SCIMP: variants seen among roughly 807,000 people sequenced by gnomAD.
The protein encoded by SCIMP is SLP adapter and CSK-interacting membrane protein.
Under a neutral mutation model 22.0 loss-of-function variants are expected in SCIMP, and 18 were observed. The ratio of observed to expected loss-of-function variants is 0.82; its 90% confidence interval spans 0.56 to 1.21. The LOEUF (loss-of-function observed/expected upper bound fraction) is 1.21, where lower values mean the gene tolerates loss of function less well. Ranked by LOEUF, SCIMP falls within the 50% of genes most tolerant of loss-of-function variation. The pLI is 0.00. For missense variants in SCIMP, 155 were observed against 171.2 expected (o/e 0.91, Z 0.53); for synonymous variants, 53 against 62.2 (o/e 0.85, Z 0.70).
At chr17:5,216,455 C>T (rs779118059) in intron 3 of SCIMP, among the ~76,000 whole-genome samples, 3 of 152,094 alleles carry the variant, frequency 2.0e-5, no homozygotes, top group Admixed American at 6.6e-5. Context: ...ATCATGAGGT[C>T]AGGAGATCGA....
At position 5,212,317 on chromosome 17, in the gene SCIMP, C is replaced by T. The variant is rs1598153794; in HGVS notation, c.284-1362G>A. The stretch of plus-strand genomic sequence containing the variant: ...TCACTTATCTGTGCCTGAGCATCCT[C>T]ATCTGTCACAGAGGAATAAAAATGT... On this transcript the variant is annotated intron_variant, in intron 4 of 4. Coordinates refer to ENST00000574081, the MANE Select transcript of SCIMP (RefSeq NM_207103.3). Among the ~76,000 whole-genome samples, 3 of 152,114 alleles carry T rather than the reference C, an allele frequency of 2.0e-5. No homozygotes were observed. The East Asian group carries it at 5.8e-4, about 29-fold the overall frequency.
intron 3 of SCIMP, among the ~76,000 whole-genome samples, chr17:5,217,398 G>C (rs2074572869): frequency 6.6e-6 from 1 of 151,774 alleles, no homozygotes; most frequent in Non-Finnish European, 1.5e-5. Context: ...GTGTGTGTGT[G>C]TGTGTGTGTG....
intron 3 of SCIMP, among the ~76,000 whole-genome samples, chr17:5,219,956 T>G: frequency 6.6e-6 from 1 of 152,216 alleles, no homozygotes; most frequent in East Asian, 1.9e-4. Flanking sequence ...TTTGCCTGCT[T>G]TCTGCTAGAC....
intron 1 of SCIMP, among the ~76,000 whole-genome samples, chr17:5,228,233 C>T (rs749320658): frequency 1.3e-5 from 2 of 151,618 alleles, no homozygotes; most frequent in Non-Finnish European, 2.9e-5. Context: ...GTGGCCCCAG[C>T]TACATGGGAG....
At chr17:5,214,210 G>C (rs2074547104) in intron 4 of SCIMP, 1 of 152,270 alleles carries the variant, frequency 6.6e-6, no homozygotes, top group Non-Finnish European at 1.5e-5. Context: ...TTTCTGTTGT[G>C]TAAGCACCCC....
rs771652956 is a variant in SCIMP at position 5,214,754 on chromosome 17, G to C, written c.283+171C>G. The C allele has an allele frequency of 1.8e-5, 10 of 545,850 alleles. No homozygotes were observed. In the African/African-American group the frequency reaches 2.0e-4, roughly 11 times the overall value. The allele number at this position is 545,850 out of a possible 1,614,324, so 33.8% of individuals were successfully genotyped here. On this transcript the variant is annotated intron_variant, in intron 4 of 4. Coordinates refer to ENST00000574081, the MANE Select transcript of SCIMP (RefSeq NM_207103.3). ...ACTCCGGAGGCTGAGGTAGGAGAAT[G>C]GCATGAACCCGGGAGGCGGAGCTTG...
At chr17:5,221,375 TGAA>T in intron 2 of SCIMP, 25 bp from the exon 3 acceptor site, 1 of 1,578,228 alleles carries the variant, frequency 6.3e-7, no homozygotes, top group East Asian at 2.2e-5. Flanking sequence ...GCATGTTCAT[TGAA>T]GAAGAATTAG....
At chr17:5,234,400 G>A (rs2074728126) in intron 1 of SCIMP, among the ~76,000 whole-genome samples, 1 of 150,212 alleles carries the variant, frequency 6.7e-6, no homozygotes. Context: ...CAGAAAGTGA[G>A]AGTAACTCGT....
chr17:5,222,300 C>T (rs2074614592), intron 2 of SCIMP, among the ~76,000 whole-genome samples: 1 of 151,492 alleles, frequency 6.6e-6, no homozygotes, highest in Non-Finnish European at 1.5e-5. Context: ...ACCGTGTTAG[C>T]CAGGATGGTC....
At chr17:5,233,027 A>G (rs775438624) in intron 1 of SCIMP, among the ~76,000 whole-genome samples, 2 of 151,938 alleles carry the variant, frequency 1.3e-5, no homozygotes, top group Non-Finnish European at 2.9e-5. Flanking sequence ...TGTCCTTCTC[A>G]CTGATGTCAG....
chr17:5,223,304 T>A, intron 2 of SCIMP, 29 bp downstream of exon 2: 1 of 1,612,266 alleles, frequency 6.2e-7, no homozygotes, highest in Non-Finnish European at 8.5e-7. Context: ...GGCTCCTCCC[T>A]CCACCTGCCT....
chr17:5,223,992 T>G (rs985057639), intron 1 of SCIMP, among the ~76,000 whole-genome samples: 1 of 152,220 alleles, frequency 6.6e-6, no homozygotes, highest in African/African-American at 2.4e-5. Context: ...ATGGGAATGA[T>G]ATCTCCTACT....
intron 3 of SCIMP, among the ~76,000 whole-genome samples, chr17:5,220,432 C>CAAA (rs908309110): frequency 5.0e-4 from 32 of 63,692 alleles, no homozygotes; most frequent in African/African-American, 1.5e-3. Flanking sequence ...ACCCCATCTC[C>CAAA]AAAAAAAAAA....
At chr17:5,216,671 CA>C (rs947721122) in intron 3 of SCIMP, among the ~76,000 whole-genome samples, 2 of 151,230 alleles carry the variant, frequency 1.3e-5, no homozygotes. Context: ...ATCTCAAAAA[CA>C]AAAAAACAAA....
chr17:5,232,167 G>C (rs1190548018), intron 1 of SCIMP, among the ~76,000 whole-genome samples: 2 of 152,228 alleles, frequency 1.3e-5, no homozygotes, highest in Non-Finnish European at 1.5e-5. Context: ...CTCAGGGATG[G>C]GCTGGCAAAG....
At chr17:5,221,589 A>G (rs2074607988) in intron 2 of SCIMP, among the ~76,000 whole-genome samples, 1 of 152,204 alleles carries the variant, frequency 6.6e-6, no homozygotes, top group Non-Finnish European at 1.5e-5. Flanking sequence ...TGGCTGAATG[A>G]ATAATCAAAA....
intron 1 of SCIMP, 27 bp downstream of exon 1, chr17:5,234,708 T>C: frequency 6.2e-7 from 1 of 1,610,754 alleles, no homozygotes; most frequent in Non-Finnish European, 8.5e-7. Flanking sequence ...AGCAGGAAAC[T>C]GTCCCTTGGA....
intron 1 of SCIMP, among the ~76,000 whole-genome samples, chr17:5,232,411 C>CAGTATAAACAGTGCAGTGT (rs1341295689): frequency 2.7e-5 from 2 of 73,246 alleles, no homozygotes; most frequent in African/African-American, 1.5e-4. Flanking sequence ...ATAAACAGTG[C>CAGTATAAACAGTGCAGTGT]AAACAGTGCA....
intron 4 of SCIMP, chr17:5,214,666 C>A: frequency 2.4e-6 from 1 of 415,104 alleles, no homozygotes; most frequent in East Asian, 3.9e-5. Flanking sequence ...CGGTGAAACT[C>A]CTTCTCTACT....
Sources: allele counts gnomAD v4.1 joint callset (sites outside exome capture counted in the v4.1 genomes callset), GRCh38; gene constraint gnomAD v4.1.1; transcripts MANE v1.5; gene names NCBI Gene and HGNC (gene_info 2026-07-23, HGNC 2026-07-21).